Variants in SAMD4A observed in about 807,000 individuals in gnomAD.
The protein encoded by SAMD4A is protein Smaug homolog 1.
In SAMD4A, 33 loss-of-function variants were observed where a neutral mutation model predicts 81.3. The observed-to-expected ratio is 0.41, with a 90% CI of 0.31 to 0.54. SAMD4A has a LOEUF of 0.54. SAMD4A is among the 20% of genes least tolerant of loss of function. SAMD4A has a pLI of 0.37. For synonymous variants in SAMD4A, 389 were observed against 382.1 expected, an observed-to-expected ratio of 1.02 and a Z score of -0.21; for missense variants, 854 against 951.1, an observed-to-expected ratio of 0.90 and a Z score of 1.34.
chr14:54,766,999 G>A (rs1445137390), intron 8 of SAMD4A, among the ~76,000 whole-genome samples: 2 of 152,204 alleles, frequency 1.3e-5, no homozygotes, highest in Non-Finnish European at 2.9e-5. Flanking sequence ...TTGCCCAGAG[G>A]GGCCTCTCGT....
intron 3 of SAMD4A, among the ~76,000 whole-genome samples, chr14:54,712,728 A>G (rs2037022255): frequency 6.6e-6 from 1 of 152,140 alleles, no homozygotes; most frequent in South Asian, 2.1e-4. Context: ...GCCTGGAAAA[A>G]GCCAGAGACC....
In SAMD4A at chr14:54,792,021, G is replaced by A. The variant is rs575970540; in HGVS notation, c.*3077G>A. 2 of 152,278 alleles carry A rather than the reference G, an allele frequency of 1.3e-5. No individual in the cohort carries two copies. The highest frequency in any genetic ancestry group is 4.1e-4 in the South Asian group (2 of 4,826). The allele number at this position is 152,278 out of a possible 1,614,324, so 9.4% of individuals were successfully genotyped here. ...TCTCTACATTGTCCTAGGGACAGTG[G>A]TGTTCTACAATATTATCATGTATGA... On this transcript the variant is annotated 3_prime_UTR_variant, in exon 13 of 13. Coordinates refer to ENST00000554335, the MANE Select transcript of SAMD4A (RefSeq NM_015589.6).
chr14:54,615,006 A>G (rs776626784), intron 2 of SAMD4A, among the ~76,000 whole-genome samples: 1 of 152,158 alleles, frequency 6.6e-6, no homozygotes, highest in Non-Finnish European at 1.5e-5. Flanking sequence ...AAGATTAACT[A>G]ACAAAAGGGT....
intron 2 of SAMD4A, among the ~76,000 whole-genome samples, chr14:54,676,846 T>C (rs1174047149): frequency 6.6e-6 from 1 of 152,170 alleles, no homozygotes; most frequent in African/African-American, 2.4e-5. Flanking sequence ...TTAAAGAGAT[T>C]TGGACTCCAA....
At chr14:54,598,201 ACAGT>A (rs995470241) in intron 2 of SAMD4A, among the ~76,000 whole-genome samples, 1 of 152,326 alleles carries the variant, frequency 6.6e-6, no homozygotes, top group Non-Finnish European at 1.5e-5. Flanking sequence ...AGAAAATGAC[ACAGT>A]CAGCGTTCAA....
At chr14:54,717,890 T>TC (rs1411608537) in intron 3 of SAMD4A, among the ~76,000 whole-genome samples, 2 of 151,976 alleles carry the variant, frequency 1.3e-5, no homozygotes, top group South Asian at 4.2e-4. Flanking sequence ...GAAGGTTTTT[T>TC]TTTTTTTTTT....
At chr14:54,727,088 A>C (rs1375949311) in intron 3 of SAMD4A, among the ~76,000 whole-genome samples, 1 of 150,826 alleles carries the variant, frequency 6.6e-6, no homozygotes, top group East Asian at 1.9e-4. Flanking sequence ...ATTATTGATT[A>C]ATTAATGTTG....
intron 2 of SAMD4A, among the ~76,000 whole-genome samples, chr14:54,701,509 G>A (rs760599784): frequency 2.6e-5 from 4 of 152,222 alleles, no homozygotes; most frequent in Non-Finnish European, 5.9e-5. Context: ...TGAGAAAGGT[G>A]CAGTCTTACT....
At chr14:54,608,786 A>G (rs1436028398) in intron 2 of SAMD4A, among the ~76,000 whole-genome samples, 2 of 152,244 alleles carry the variant, frequency 1.3e-5, no homozygotes, top group Non-Finnish European at 2.9e-5. Context: ...AATCGTAGAT[A>G]TAGAGGTGGA....
intron 3 of SAMD4A, among the ~76,000 whole-genome samples, chr14:54,724,030 AAGGAAGG>A: frequency 6.6e-6 from 1 of 151,580 alleles, no homozygotes. Context: ...GGAAGGAAGG[AAGGAAGG>A]AAGGAAGGAA....
At chr14:54,592,530 G>C (rs531143982) in intron 2 of SAMD4A, among the ~76,000 whole-genome samples, 25 of 152,250 alleles carry the variant, frequency 1.6e-4, no homozygotes, top group Admixed American at 3.3e-4. Flanking sequence ...TGCGATCTCG[G>C]CTCACTGCAA....
chr14:54,574,629 G>T (rs2033234608), intron 2 of SAMD4A, among the ~76,000 whole-genome samples: 1 of 152,176 alleles, frequency 6.6e-6, no homozygotes, highest in African/African-American at 2.4e-5. Context: ...TACGAAAATG[G>T]AACATCTGGT....
intron 3 of SAMD4A, among the ~76,000 whole-genome samples, chr14:54,726,497 C>A (rs908738809): frequency 3.3e-5 from 5 of 152,066 alleles, no homozygotes; most frequent in Non-Finnish European, 5.9e-5. Context: ...CTTTTAAAAG[C>A]CCCATGAAAA....
At chr14:54,680,501 G>C (rs971314665) in intron 2 of SAMD4A, among the ~76,000 whole-genome samples, 3 of 152,112 alleles carry the variant, frequency 2.0e-5, no homozygotes, top group Non-Finnish European at 4.4e-5. Flanking sequence ...CTTTTTGATA[G>C]GTTTGTTTTA....
At chr14:54,781,843 C>T (rs1566638185) in intron 11 of SAMD4A, among the ~76,000 whole-genome samples, 2 of 152,248 alleles carry the variant, frequency 1.3e-5, no homozygotes, top group African/African-American at 4.8e-5. Flanking sequence ...GTTTTCCACC[C>T]AACTGGTCTT....
At chr14:54,703,325 G>A (rs1169396258) in intron 3 of SAMD4A, 1 of 152,222 alleles carries the variant, frequency 6.6e-6, no homozygotes, top group Non-Finnish European at 1.5e-5. Context: ...GCTGGGCACT[G>A]GGGCTGGGAG....
chr14:54,607,618 G>C (rs1431385003), intron 2 of SAMD4A, among the ~76,000 whole-genome samples: 7 of 151,786 alleles, frequency 4.6e-5, no homozygotes, highest in African/African-American at 1.7e-4. Context: ...ACCATGCCCG[G>C]CTAATTTTTC....
chr14:54,572,397 A>G (rs879674483), intron 2 of SAMD4A, among the ~76,000 whole-genome samples: 17 of 152,196 alleles, frequency 1.1e-4, no homozygotes, highest in African/African-American at 1.9e-4. Flanking sequence ...TCAAGAAGGT[A>G]TCTCCCATGC....
chr14:54,787,488 C>T (rs1300813480), intron 12 of SAMD4A, among the ~76,000 whole-genome samples: 1 of 152,104 alleles, frequency 6.6e-6, no homozygotes, highest in African/African-American at 2.4e-5. Flanking sequence ...TCACTTGGGT[C>T]CTCCAGCTTT....
Sources: gnomAD v4.1 joint callset for allele counts (sites outside exome capture counted in the v4.1 genomes callset) on GRCh38, gnomAD v4.1.1 for gene constraint, MANE v1.5 for transcripts, NCBI Gene and HGNC (gene_info 2026-07-23, HGNC 2026-07-21) for gene names.